Variants in MAGI1 observed in about 807,000 individuals in gnomAD.
The protein encoded by MAGI1 is membrane associated guanylate kinase, WW and PDZ domain containing 1.
In MAGI1, 58 loss-of-function variants were observed where a neutral mutation model predicts 139.9. The ratio of observed to expected loss-of-function variants is 0.41; its 90% CI spans 0.34 to 0.52. The LOEUF (loss-of-function observed/expected upper bound fraction) is 0.52, where lower values mean the gene tolerates loss of function less well. Ranked by LOEUF, MAGI1 falls within the 20% of genes least tolerant of loss-of-function variation. The pLI is 0.12. For synonymous variants in MAGI1, 812 were observed against 737.9 expected, an observed-to-expected ratio of 1.10 and a Z score of -1.63; for missense variants, 1,874 against 1,901.6, an observed-to-expected ratio of 0.99 and a Z score of 0.27.
At chr3:65,495,414 ATC>A (rs1952355565) in intron 2 of MAGI1, among the ~76,000 whole-genome samples, 1 of 152,164 alleles carries the variant, frequency 6.6e-6, no homozygotes, top group Non-Finnish European at 1.5e-5. Flanking sequence ...CAGTATAATA[ATC>A]TGTTATTATA....
intron 1 of MAGI1, among the ~76,000 whole-genome samples, chr3:65,653,289 T>C (rs976957718): frequency 6.6e-6 from 1 of 152,154 alleles, no homozygotes. Context: ...CTTTCACTAC[T>C]AGACCATTAC....
chr3:65,814,541 C>G (rs1181017686), intron 1 of MAGI1, among the ~76,000 whole-genome samples: 1 of 152,112 alleles, frequency 6.6e-6, no homozygotes, highest in Non-Finnish European at 1.5e-5. Flanking sequence ...CAGAGGATTC[C>G]AGTCTTTGAA....
intron 1 of MAGI1, among the ~76,000 whole-genome samples, chr3:65,694,717 TA>T (rs1559794545): frequency 1.3e-5 from 2 of 152,228 alleles, no homozygotes; most frequent in African/African-American, 2.4e-5. Flanking sequence ...CTCCTGTGAC[TA>T]ACCCCTGAGC....
chr3:65,522,870 A>G lies in MAGI1; in HGVS notation c.431-29239T>C, dbSNP rs1466498810. 3.3e-5 allele frequency among the ~76,000 whole-genome samples: 5 copies of G among 152,256 alleles called. No individual in the cohort carries two copies. The South Asian group carries it at 6.2e-4, about 19-fold the overall frequency. On this transcript the variant is annotated intron_variant, in intron 2 of 22. Transcript: ENST00000402939. The stretch of plus-strand genomic sequence containing the variant: ...TACCAAAAAAATATTTATGCCACCA[A>G]TTCCTGCTGCAGTAGGGGTGGGAAG...
chr3:65,786,458 C>T (rs1023831471), intron 1 of MAGI1, among the ~76,000 whole-genome samples: 3 of 152,028 alleles, frequency 2.0e-5, no homozygotes, highest in East Asian at 3.9e-4. Flanking sequence ...AGGCATGCGC[C>T]ACCACACCCA....
At chr3:65,636,013 C>G (rs2084595508) in intron 1 of MAGI1, among the ~76,000 whole-genome samples, 1 of 152,240 alleles carries the variant, frequency 6.6e-6, no homozygotes, top group African/African-American at 2.4e-5. Flanking sequence ...TTCCCATCAA[C>G]AGAGCATCCT....
chr3:65,679,212 T>A (rs955685415), intron 1 of MAGI1, among the ~76,000 whole-genome samples: 1 of 152,196 alleles, frequency 6.6e-6, no homozygotes. Context: ...CACATACGCT[T>A]CATTTTCATT....
intron 2 of MAGI1, among the ~76,000 whole-genome samples, chr3:65,518,213 C>T (rs2077992025): frequency 6.6e-6 from 1 of 152,166 alleles, no homozygotes; most frequent in African/African-American, 2.4e-5. Context: ...CTGACCCTAA[C>T]TAAAGTAGAT....
chr3:65,471,428 GC>G (rs1950554649), intron 4 of MAGI1, among the ~76,000 whole-genome samples: 2 of 152,126 alleles, frequency 1.3e-5, no homozygotes, highest in South Asian at 4.1e-4. Context: ...ATGATAAAAG[GC>G]TGTTTTCAAA....
At chr3:65,401,375 C>G in intron 13 of MAGI1, 64 bp downstream of exon 13, 2 of 1,008,136 alleles carry the variant, frequency 2.0e-6, no homozygotes, top group Non-Finnish European at 3.0e-6. Flanking sequence ...AGTACCCTCC[C>G]ACCTCCAGCC....
intron 2 of MAGI1, among the ~76,000 whole-genome samples, chr3:65,568,673 T>A (rs1021484055): frequency 2.6e-5 from 4 of 152,172 alleles, no homozygotes; most frequent in African/African-American, 4.8e-5. Context: ...GTATGTTGGC[T>A]CCCAAAGGAG....
intron 2 of MAGI1, among the ~76,000 whole-genome samples, chr3:65,586,769 A>AT (rs5849680): frequency 0.085 from 12,524 of 147,868 alleles, 1,149 homozygotes; most frequent in African/African-American, 0.23. Flanking sequence ...CAAGTAACAG[A>AT]TTTTTTTTTT....
Position 65,972,413 on chromosome 3 carries a change from A to T in MAGI1, c.313+65583T>A, listed in dbSNP as rs112069346. Among the ~76,000 whole-genome samples, 674 of 152,366 alleles carry T rather than the reference A, an allele frequency of 4.4e-3. 2 individuals are homozygous for T. Among genetic ancestry groups the T allele is most frequent in the African/African-American group, 0.016 (647 of 41,582 alleles). ...GCAGTCAGGTTCCTATGTCTAAGACATATGCCTGTGACATATACATGTTTC... is the reference window on the plus strand; with the variant it reads ...GCAGTCAGGTTCCTATGTCTAAGACTTATGCCTGTGACATATACATGTTTC... On this transcript the variant is annotated intron_variant, in intron 1 of 22. Coordinates refer to ENST00000402939, the MANE Select transcript of MAGI1 (RefSeq NM_001033057.2).
In MAGI1 at chr3:65,437,219, C is replaced by A. The variant is rs1027466111; in HGVS notation, c.1299G>T (p.Val433=). Residue 433 remains valine, a synonymous_variant, in exon 10 of 23, where the codon GTG becomes GTT. Transcript: ENST00000402939. The part of the protein sequence containing the change: ...EEWTEDHSAL[V]PPVIPNHPPS... Reference sequence around the variant, plus strand: ...GAGGGTGGTTTGGAATAACAGGAGGCACAAGGGCTGAGTGATCTTCTGTCC... The same window carrying A: ...GAGGGTGGTTTGGAATAACAGGAGGAACAAGGGCTGAGTGATCTTCTGTCC... 1 of 1,611,700 alleles carries A rather than the reference C, an allele frequency of 6.2e-7. No individual in the cohort carries two copies. The highest frequency in any genetic ancestry group is 1.3e-5 in the African/African-American group (1 of 74,808).
Position 65,514,260 on chromosome 3 carries a change from T to TGA in MAGI1, c.431-20630_431-20629insTC, listed in dbSNP as rs1386678584. On this transcript the variant is annotated intron_variant, in intron 2 of 22. Coordinates refer to ENST00000402939, the MANE Select transcript of MAGI1 (RefSeq NM_001033057.2). Reference sequence around the variant, plus strand: ...GACATAGGCATGGGCAAGGACTTCATGTCCAAAACACCAAAAGCAATGGCA... The same window carrying TGA: ...GACATAGGCATGGGCAAGGACTTCATGAGTCCAAAACACCAAAAGCAATGGCA... Among the ~76,000 whole-genome samples the TGA allele has an allele frequency of 4.8e-5, 7 of 147,186 alleles. No homozygotes were observed. The South Asian group carries it at 1.1e-3, about 24-fold the overall frequency.
At chr3:65,416,181 G>A (rs984360876) in intron 12 of MAGI1, among the ~76,000 whole-genome samples, 1 of 152,080 alleles carries the variant, frequency 6.6e-6, no homozygotes, top group African/African-American at 2.4e-5. Context: ...TTTTACACAG[G>A]TTCATCATGC....
At chr3:65,997,523 G>C (rs1457946917) in intron 1 of MAGI1, among the ~76,000 whole-genome samples, 1 of 152,150 alleles carries the variant, frequency 6.6e-6, no homozygotes, top group Non-Finnish European at 1.5e-5. Context: ...AGGCGTGGTA[G>C]CGGGTGCCTG....
At chr3:65,461,689 C>T (rs529585363) in intron 5 of MAGI1, among the ~76,000 whole-genome samples, 10 of 151,948 alleles carry the variant, frequency 6.6e-5, no homozygotes, top group African/African-American at 1.9e-4. Context: ...GGGGTTTCAC[C>T]GTATTAGCCA....
intron 1 of MAGI1, among the ~76,000 whole-genome samples, chr3:65,930,282 C>G (rs1389040924): frequency 3.0e-5 from 4 of 131,760 alleles, no homozygotes; most frequent in Non-Finnish European, 4.7e-5. Context: ...CGCCACTGCA[C>G]TCCAGCCTGG....
Sources: gnomAD v4.1 joint callset for allele counts (sites outside exome capture counted in the v4.1 genomes callset) on GRCh38, gnomAD v4.1.1 for gene constraint, MANE v1.5 for transcripts, NCBI Gene and HGNC (gene_info 2026-07-23, HGNC 2026-07-21) for gene names.